PLEKHA5: variants seen among roughly 807,000 people sequenced by gnomAD.
PLEKHA5 encodes pleckstrin homology domain-containing family A member 5.
PLEKHA5 carries 55 observed loss-of-function variants against 181.9 expected under a neutral mutation model. That is an observed-to-expected ratio of 0.30 (90% CI 0.24 to 0.38). PLEKHA5 has a LOEUF of 0.38. PLEKHA5 is among the 10% of genes least tolerant of loss of function. PLEKHA5 has a pLI of 1.00. For missense variants in PLEKHA5, 1,432 were observed against 1,549.5 expected, an observed-to-expected ratio of 0.92 and a Z score of 1.27; for synonymous variants, 535 against 529.4, an observed-to-expected ratio of 1.01 and a Z score of -0.15.
At chr12:19,246,487 G>A (rs955077473) in intron 3 of PLEKHA5, among the ~76,000 whole-genome samples, 2 of 151,638 alleles carry the variant, frequency 1.3e-5, no homozygotes, top group Non-Finnish European at 2.9e-5. Flanking sequence ...GCCAGGCATG[G>A]TGGCAGGCGC....
chr12:19,130,404 A>G lies in PLEKHA5; in HGVS notation c.169+274A>G, dbSNP rs949637684. On this transcript the variant is annotated intron_variant, in intron 2 of 31. Transcript: ENST00000429027. This position sits in a 1 kb window ranked among gnomAD's most constrained non-coding sequence, Gnocchi z 4.5. ...GCCTTCTCCCCCCATCCCAGCCTAG[A>G]CGACCCTCGCGACCCTAGAGTGGCG... Among the ~76,000 whole-genome samples, 17 of 150,826 alleles carry G rather than the reference A, an allele frequency of 1.1e-4. No homozygotes were observed. Among genetic ancestry groups the G allele is most frequent in the African/African-American group, 3.9e-4 (16 of 40,984 alleles).
chr12:19,167,984 T>C (rs2151608533), intron 3 of PLEKHA5, among the ~76,000 whole-genome samples: 1 of 152,292 alleles, frequency 6.6e-6, no homozygotes, highest in East Asian at 1.9e-4. Flanking sequence ...CCTGCATTAC[T>C]GTTCTAGTCT....
chr12:19,291,309 G>C (rs2078380108), intron 14 of PLEKHA5, among the ~76,000 whole-genome samples: 1 of 152,114 alleles, frequency 6.6e-6, no homozygotes, highest in Admixed American at 6.6e-5. Flanking sequence ...ATATAAGAAA[G>C]ATCTTATTTA....
chr12:19,167,864 A>C (rs527305833), intron 3 of PLEKHA5, among the ~76,000 whole-genome samples: 1 of 152,260 alleles, frequency 6.6e-6, no homozygotes, highest in South Asian at 2.1e-4. Flanking sequence ...TCTACTTGTC[A>C]TTGGGTGGCT....
Position 19,357,851 on chromosome 12 carries a change from G to A in PLEKHA5, c.3139-377G>A, listed in dbSNP as rs112595392. Among the ~76,000 whole-genome samples the A allele has an allele frequency of 6.4e-3, 967 of 151,996 alleles. 10 individuals are homozygous for A. Among genetic ancestry groups the A allele is most frequent in the African/African-American group, 0.023 (934 of 41,464 alleles). Reference sequence around the variant, plus strand: ...GACGGGTTTTTACCATGTTGCCCAGGCTGGTCTCAAACTCCTGGGCTCAAG... The same window carrying A: ...GACGGGTTTTTACCATGTTGCCCAGACTGGTCTCAAACTCCTGGGCTCAAG... On this transcript the variant is annotated intron_variant, in intron 26 of 31. Coordinates refer to ENST00000429027, the MANE Select transcript of PLEKHA5 (RefSeq NM_001256470.2).
intron 3 of PLEKHA5, among the ~76,000 whole-genome samples, chr12:19,248,608 G>A (rs1413487749): frequency 6.6e-6 from 1 of 152,016 alleles, no homozygotes; most frequent in Non-Finnish European, 1.5e-5. Context: ...TATCCTAGAA[G>A]CAATAAGCTA....
At chr12:19,340,951 AAAAAAAAAAAAG>A (rs1384728477) in intron 21 of PLEKHA5, among the ~76,000 whole-genome samples, 4 of 116,352 alleles carry the variant, frequency 3.4e-5, no homozygotes, top group Admixed American at 1.8e-4. Flanking sequence ...TCAATAAAAA[AAAAAAAAAAAAG>A]AAAGAAAAGA....
chr12:19,340,956 A>G (rs1379570041), intron 21 of PLEKHA5, among the ~76,000 whole-genome samples: 1 of 114,158 alleles, frequency 8.8e-6, no homozygotes, highest in Non-Finnish European at 1.9e-5. Context: ...AAAAAAAAAA[A>G]AAAAAAGAAA....
chr12:19,184,888 G>A (rs1284621652), intron 3 of PLEKHA5, among the ~76,000 whole-genome samples: 4 of 152,166 alleles, frequency 2.6e-5, no homozygotes, highest in Non-Finnish European at 5.9e-5. Flanking sequence ...CTCCGCTAAT[G>A]CAGGTCCTGG....
Position 19,320,604 on chromosome 12 carries a change from C to G in PLEKHA5, c.2197C>G (p.Pro733Ala). 2 of 1,498,974 alleles carry G rather than the reference C, an allele frequency of 1.3e-6. No individual in the cohort carries two copies. The highest frequency in any genetic ancestry group is 1.8e-6 in the Non-Finnish European group (2 of 1,084,222). 92.9% of individuals were successfully genotyped at this position (1,498,974 alleles called of 1,614,324 possible). ...EGRGTLYKYR[P>A]EEVDIDAKLS... ...TAGAGGCACATTATACAAATACAGA[C>G]CTGAAGAAGTAGATATTGATGTAAG... The change falls in exon 18 of 32, where the codon CCT (proline) becomes GCT (alanine). Residue 733 changes from proline (P) to alanine (A), a missense_variant. Transcript: ENST00000429027.
At position 19,322,310 on chromosome 12, in the gene PLEKHA5, G is replaced by A; in HGVS notation, c.2218G>A (p.Ala740Thr). The change falls in exon 19 of 32, where the codon GCC becomes ACC. Residue 740 changes from alanine to threonine, a missense_variant and splice_region_variant. Ala to Thr is a moderately conservative substitution (Grantham distance 58). This residue lies in a region of PLEKHA5 where 1,143 missense variants were observed against 1,168.4 expected (regional missense o/e 0.98). Coordinates refer to ENST00000429027, the MANE Select transcript of PLEKHA5 (RefSeq NM_001256470.2). Reference protein sequence around the residue: ...KYRPEEVDIDAKLSRLCEQDK... With the variant: ...KYRPEEVDIDTKLSRLCEQDK... ...CAAGACATCTTCTCTTATAACCTAG[G>A]CCAAGTTAAGCCGATTATGTGAACA... 1 of 1,609,648 alleles carries A rather than the reference G, an allele frequency of 6.2e-7. No homozygotes were observed. The highest frequency in any genetic ancestry group is 1.1e-5 in the South Asian group (1 of 90,912).
At chr12:19,260,025 A>G (rs566204518) in intron 6 of PLEKHA5, among the ~76,000 whole-genome samples, 2 of 151,616 alleles carry the variant, frequency 1.3e-5, no homozygotes, top group Non-Finnish European at 2.9e-5. Context: ...GCTACATTGC[A>G]TATGGGAAAG....
At chr12:19,368,510 T>C (rs2095493771) in intron 30 of PLEKHA5, among the ~76,000 whole-genome samples, 1 of 144,844 alleles carries the variant, frequency 6.9e-6, no homozygotes, top group Admixed American at 6.9e-5. Flanking sequence ...AATAAATAAA[T>C]AGCCAGGCAC....
intron 6 of PLEKHA5, 101 bp from the exon 7 acceptor site, chr12:19,260,848 G>A (rs1361245041): frequency 1.5e-6 from 1 of 672,722 alleles, no homozygotes; most frequent in Non-Finnish European, 2.4e-6. Flanking sequence ...CAACAAGAGC[G>A]AAACTCCATC....
chr12:19,183,420 A>G (rs1441034764), intron 3 of PLEKHA5, among the ~76,000 whole-genome samples: 8 of 152,188 alleles, frequency 5.3e-5, no homozygotes, highest in African/African-American at 1.9e-4. Flanking sequence ...CTTATTATCA[A>G]CAACCCTGTG....
chr12:19,146,679 C>A (rs971023243), intron 3 of PLEKHA5, among the ~76,000 whole-genome samples: 12 of 152,128 alleles, frequency 7.9e-5, no homozygotes, highest in Admixed American at 7.2e-4. Context: ...CCAGTGTGCA[C>A]CCACTTAGGC....
At chr12:19,191,242 G>A (rs1014469018) in intron 3 of PLEKHA5, among the ~76,000 whole-genome samples, 1 of 152,160 alleles carries the variant, frequency 6.6e-6, no homozygotes, top group Non-Finnish European at 1.5e-5. Context: ...AAAACACAGT[G>A]CCCTGTGAAA....
intron 3 of PLEKHA5, among the ~76,000 whole-genome samples, chr12:19,240,046 T>C (rs1056636779): frequency 6.6e-6 from 1 of 152,268 alleles, no homozygotes; most frequent in Non-Finnish European, 1.5e-5. Flanking sequence ...TTTTGTATCA[T>C]AGGAATATCA....
At chr12:19,307,022 C>A in intron 15 of PLEKHA5, 2 of 1,487,212 alleles carry the variant, frequency 1.3e-6, no homozygotes, top group South Asian at 1.1e-5. Context: ...ACTCTTGTTC[C>A]TGCCCTTGCT....
Sources: allele counts gnomAD v4.1 joint callset (sites outside exome capture counted in the v4.1 genomes callset), GRCh38; gene constraint gnomAD v4.1.1; regional missense constraint gnomAD v4.1.1; non-coding constraint Gnocchi (gnomAD v3.1); transcripts MANE v1.5; gene names NCBI Gene and HGNC (gene_info 2026-07-23, HGNC 2026-07-21).